The following AOC2 variants were observed in gnomAD, a reference collection of about 807,000 sequenced individuals.
AOC2 encodes amine oxidase [copper-containing] 2.
Under a neutral mutation model 53.8 loss-of-function variants are expected in AOC2, and 57 were observed. That is an observed-to-expected ratio of 1.06 (90% CI 0.86 to 1.32). AOC2 has a LOEUF of 1.32. Ranked by LOEUF, AOC2 falls within the 40% of genes most tolerant of loss-of-function variation. The pLI, the probability that AOC2 is intolerant of heterozygous loss-of-function variation, is 0.00. For synonymous variants in AOC2, 404 were observed against 399.0 expected, an observed-to-expected ratio of 1.01 and a Z score of -0.15; for missense variants, 1,008 against 957.2, an observed-to-expected ratio of 1.05 and a Z score of -0.70.
chr17:42,844,874 C>G lies in AOC2; in HGVS notation c.248C>G (p.Ala83Gly). The G allele has an allele frequency of 6.2e-7, 1 of 1,612,498 alleles. No individual in the cohort carries two copies. Among genetic ancestry groups the G allele is most frequent in the Non-Finnish European group, 8.5e-7 (1 of 1,178,978 alleles). ...CTGGGGCCAGGGCTGGTGGACGCAG[C>G]CCAGGCTCAGCCCTCGGACAACTGC... Reference protein sequence around the residue: ...QRLGPGLVDAAQAQPSDNCIF... With the variant: ...QRLGPGLVDAGQAQPSDNCIF... Residue 83 changes from alanine to glycine, a missense_variant, in exon 1 of 4, where the codon GCC (alanine) becomes GGC (glycine). Ala to Gly is a moderately conservative substitution (Grantham distance 60). Transcript: ENST00000253799.
rs377474513 is a variant in AOC2, at chr17:42,849,379, G to A, written c.1874+8G>A. The A allele has an allele frequency of 2.5e-6, 4 of 1,609,896 alleles. No individual in the cohort carries two copies. Among genetic ancestry groups the A allele is most frequent in the East Asian group, 2.2e-5 (1 of 44,790 alleles). ...GGCCCTCAGCTGGGGGAGGTGAGGA[G>A]GGCCCTGGCCTGGGTGGAAGGAAAG... On this transcript the variant is annotated splice_region_variant and intron_variant, in intron 2 of 3. Transcript: ENST00000253799.
chr17:42,848,189 G>A (rs922206560), intron 1 of AOC2, among the ~76,000 whole-genome samples: 3 of 149,820 alleles, frequency 2.0e-5, no homozygotes, highest in African/African-American at 7.4e-5. Context: ...GTTGCAAGCT[G>A]CCACACCCGG....
In AOC2 at chr17:42,845,918, G is replaced by T. The variant is rs2055595147; in HGVS notation, c.1292G>T (p.Gly431Val). 1.2e-6 allele frequency: 2 copies of T among 1,614,158 alleles called. No homozygotes were observed. Among genetic ancestry groups the T allele is most frequent in the Non-Finnish European group, 1.7e-6 (2 of 1,180,028 alleles). The change falls in exon 1 of 4, where the codon GGA becomes GTA. Residue 431 changes from glycine to valine, a missense_variant. Physicochemically the swap from Gly to Val is moderately radical, Grantham distance 109. Coordinates refer to ENST00000253799, the MANE Select transcript of AOC2 (RefSeq NM_009590.4). ...GTGTGTGTATTTGAGGAAGCCCAGGGACTGCCCCTTCGAAGGCACCACAAT... is the reference window on the plus strand; with the variant it reads ...GTGTGTGTATTTGAGGAAGCCCAGGTACTGCCCCTTCGAAGGCACCACAAT... ...GAVCVFEEAQ[G>V]LPLRRHHNYL... is the part of the protein sequence containing the mutation.
intron 3 of AOC2, 77 bp from the exon 4 acceptor site, chr17:42,850,005 G>A: frequency 6.5e-7 from 1 of 1,548,278 alleles, no homozygotes; most frequent in Non-Finnish European, 8.8e-7. Flanking sequence ...GCTGAGACTG[G>A]AGGCTGGGAT....
At chr17:42,848,752 C>T (rs1440184543) in intron 1 of AOC2, among the ~76,000 whole-genome samples, 6 of 151,626 alleles carry the variant, frequency 4.0e-5, no homozygotes, top group African/African-American at 1.5e-4. Context: ...GGTTTCACCA[C>T]GTTGCACAGG....
In AOC2 at chr17:42,850,145, A is replaced by G. The variant is rs1567687575; in HGVS notation, c.2068A>G (p.Thr690Ala). 8 of 1,614,180 alleles carry G rather than the reference A, an allele frequency of 5.0e-6. No homozygotes were observed. The highest frequency in any genetic ancestry group is 6.8e-6 in the Non-Finnish European group (8 of 1,180,036). The change falls in exon 4 of 4, where the codon ACA (threonine) becomes GCA (alanine). Residue 690 changes from threonine to alanine, a missense_variant. Physicochemically the swap from Thr to Ala is moderately conservative, Grantham distance 58. Transcript: ENST00000253799. The part of the protein sequence containing the change: ...HIPHAEDIPN[T>A]VTLGNRVGFL... ...TCCCCATGCCGAGGACATCCCAAAC[A>G]CAGTGACTCTGGGGAACAGAGTTGG...
At position 42,844,689 on chromosome 17, in the gene AOC2, C is replaced by G. The variant is rs1597960272; in HGVS notation, c.63C>G (p.Ala21=). The G allele has an allele frequency of 6.2e-7, 1 of 1,614,234 alleles. No homozygotes were observed. The highest frequency in any genetic ancestry group is 8.5e-7 in the Non-Finnish European group (1 of 1,180,032). ...CCCTCATTACCATCTTTGCCCTGGC[C>G]TATGTTTTGCTGACCAGCCCAGGTG... ...ALSLITIFAL[A]YVLLTSPGGS... Residue 21 remains alanine (A), a synonymous_variant, in exon 1 of 4, where the codon GCC becomes GCG. Coordinates refer to ENST00000253799, the MANE Select transcript of AOC2 (RefSeq NM_009590.4).
At chr17:42,846,925 C>G (rs969592235) in intron 1 of AOC2, among the ~76,000 whole-genome samples, 5 of 152,222 alleles carry the variant, frequency 3.3e-5, no homozygotes, top group African/African-American at 1.2e-4. Flanking sequence ...AAATTAGAAA[C>G]TCACCAGACC....
Position 42,845,117 on chromosome 17 carries a change from G to C in AOC2, c.491G>C (p.Arg164Pro), listed in dbSNP as rs769514939. The C allele has an allele frequency of 6.2e-7, 1 of 1,613,658 alleles. No individual in the cohort carries two copies. The highest frequency in any genetic ancestry group is 1.3e-5 in the African/African-American group (1 of 75,062). Residue 164 changes from arginine to proline, a missense_variant, in exon 1 of 4, where the codon CGT becomes CCT. Physicochemically the swap from Arg to Pro is moderately radical, Grantham distance 103. Coordinates refer to ENST00000253799, the MANE Select transcript of AOC2 (RefSeq NM_009590.4). ...ERHGGPLPYH[R>P]RPVLRAEFTQ... ...CACGGCGGGCCCCTGCCCTATCACC[G>C]TCGCCCGGTGCTGAGAGCTGAGTTT...
intron 1 of AOC2, among the ~76,000 whole-genome samples, chr17:42,848,593 C>G (rs762924129): frequency 8.2e-5 from 12 of 145,668 alleles, no homozygotes; most frequent in Non-Finnish European, 1.3e-4. Context: ...CTCTGTTGCC[C>G]AGGCTAGAGT....
rs573681710 is a variant in AOC2 at position 42,849,453 on chromosome 17, G to A, written c.1874+82G>A. 16 of 1,575,000 alleles carry A rather than the reference G, an allele frequency of 1.0e-5. No individual in the cohort carries two copies. In the African/African-American group the frequency reaches 1.3e-4, roughly 13 times the overall value. ...CCTTGGAGACAAACTCCCTTCCCAC[G>A]GCTACCATTCATCCCTGTACCTCCC... On this transcript the variant is annotated intron_variant, in intron 2 of 3. Coordinates refer to ENST00000253799, the MANE Select transcript of AOC2 (RefSeq NM_009590.4).
chr17:42,850,164 G>T lies in AOC2; in HGVS notation c.2087G>T (p.Arg696Ile). ...DIPNTVTLGN[R>I]VGFLLRPYNF... ...CCAAACACAGTGACTCTGGGGAACA[G>T]AGTTGGCTTCTTGCTCCGACCCTAT... Residue 696 changes from arginine to isoleucine, a missense_variant, in exon 4 of 4, where the codon AGA becomes ATA. Coordinates refer to ENST00000253799, the MANE Select transcript of AOC2 (RefSeq NM_009590.4). 1.2e-6 allele frequency: 2 copies of T among 1,614,208 alleles called. No homozygotes were observed. The highest frequency in any genetic ancestry group is 1.7e-6 in the Non-Finnish European group (2 of 1,180,038).
chr17:42,848,065 C>CTTTTTTTTTT lies in AOC2; in HGVS notation c.1589-1004_1589-995dup, dbSNP rs61450612. Among the ~76,000 whole-genome samples the CTTTTTTTTTT allele has an allele frequency of 7.9e-5, 8 of 101,374 alleles. 1 individual carries two copies. The highest frequency in any genetic ancestry group is 3.8e-4 in the African/African-American group (7 of 18,636). The allele number at this position is 101,374 out of a possible 152,430, so 66.5% of individuals were successfully genotyped here. ...AGTGCTGTGAGCTACCATGCCCGGC[C>CTTTTTTTTTT]TTTTTTTTTTTTTTTTTTTTTTTTT... On this transcript the variant is annotated intron_variant, in intron 1 of 3. Coordinates refer to ENST00000253799, the MANE Select transcript of AOC2 (RefSeq NM_009590.4).
intron 1 of AOC2, among the ~76,000 whole-genome samples, chr17:42,848,242 C>A (rs1439018520): frequency 1.3e-5 from 2 of 151,714 alleles, no homozygotes; most frequent in Admixed American, 6.6e-5. Context: ...AGACAAATAT[C>A]ATTATCCCTT....
At position 42,845,740 on chromosome 17, in the gene AOC2, A is replaced by T; in HGVS notation, c.1114A>T (p.Lys372Ter). ...CVSIYGADSPKTMLTRYLDSS... is the reference protein window; with the variant it reads ...CVSIYGADSP ...ATCTATCTATGGTGCCGATTCACCC[A>T]AGACGATGCTGACTCGCTATTTGGA... Residue 372 changes from lysine (K) to a stop codon, truncating the protein, a stop_gained, in exon 1 of 4, where the codon AAG (lysine) becomes TAG (stop). Transcript: ENST00000253799. LOFTEE classifies it high-confidence loss of function. 1 of 1,614,140 alleles carries T rather than the reference A, an allele frequency of 6.2e-7. No homozygotes were observed.
chr17:42,846,225 A>G lies in AOC2; in HGVS notation c.1588+11A>G. 3 of 1,209,908 alleles carry G rather than the reference A, an allele frequency of 2.5e-6. No individual in the cohort carries two copies. Among genetic ancestry groups the G allele is most frequent in the Non-Finnish European group, 3.2e-6 (3 of 928,588 alleles). 74.9% of individuals were successfully genotyped at this position (1,209,908 alleles called of 1,614,324 possible). A position where few individuals can be genotyped will look rare whatever the true frequency, so the allele number is the denominator to read the frequency against. ...ACCTGGATGTGGCAGGTGAGTGCTG[A>G]GGGGATGAGGATGGAGACTTGGGGG... On this transcript the variant is annotated intron_variant, in intron 1 of 3. Transcript: ENST00000253799.
Position 42,844,776 on chromosome 17 carries a change from T to C in AOC2, c.150T>C (p.Pro50=), listed in dbSNP as rs1470757941. The change falls in exon 1 of 4, where the codon CCT becomes CCC. Residue 50 remains proline (P), a synonymous_variant. Coordinates refer to ENST00000253799, the MANE Select transcript of AOC2 (RefSeq NM_009590.4). ...ATAGGGCCCAGCCCTGGCCACACCC[T>C]GGCCAGAGCCAGCTGTTTGCAGACC... The part of the protein sequence containing the change: ...VSHRAQPWPH[P]GQSQLFADLS... The C allele has an allele frequency of 6.2e-7, 1 of 1,614,058 alleles. No homozygotes were observed. Among genetic ancestry groups the C allele is most frequent in the East Asian group, 2.2e-5 (1 of 44,886 alleles).
In AOC2 at chr17:42,845,108, C is replaced by T; in HGVS notation, c.482C>T (p.Pro161Leu). Residue 161 changes from proline (P) to leucine (L), a missense_variant, in exon 1 of 4, where the codon CCC becomes CTC. Pro to Leu is a moderately conservative substitution (Grantham distance 98). Transcript: ENST00000253799. ...GTGGAGCGTCACGGCGGGCCCCTGC[C>T]CTATCACCGTCGCCCGGTGCTGAGA... The part of the protein sequence containing the change: ...VTVERHGGPL[P>L]YHRRPVLRAE... 6.2e-7 allele frequency: 1 copy of T among 1,613,760 alleles called. No individual in the cohort carries two copies.
chr17:42,849,601 A>T lies in AOC2; in HGVS notation c.1875A>T (p.Arg625Ser). Reference sequence around the variant, plus strand: ...CCACCTTCTTATGATTCCTGGCCAGATACCAGCTTGTGGTGACCCAGAGAA... The same window carrying T: ...CCACCTTCTTATGATTCCTGGCCAGTTACCAGCTTGTGGTGACCCAGAGAA... ...SDMERALSWG[R>S]YQLVVTQRKE... The change falls in exon 3 of 4, where the codon AGA becomes AGT. Residue 625 changes from arginine to serine, a missense_variant and splice_region_variant. Arg to Ser is a moderately radical substitution (Grantham distance 110, BLOSUM62 -1). Transcript: ENST00000253799. 1 of 1,614,106 alleles carries T rather than the reference A, an allele frequency of 6.2e-7. No homozygotes were observed. Among genetic ancestry groups the T allele is most frequent in the East Asian group, 2.2e-5 (1 of 44,900 alleles).
Sources: allele counts gnomAD v4.1 joint callset (sites outside exome capture counted in the v4.1 genomes callset), GRCh38; gene constraint gnomAD v4.1.1; transcripts MANE v1.5; gene names NCBI Gene and HGNC (gene_info 2026-07-23, HGNC 2026-07-21).